The following XPO6 variants were observed in gnomAD, a reference collection of about 807,000 sequenced individuals.
The protein encoded by XPO6 is exportin-6.
A neutral mutation model predicts 130.0 loss-of-function variants in XPO6; 3 were observed. The observed-to-expected ratio is 0.02, with a 90% CI of 0.01 to 0.06. The LOEUF (loss-of-function observed/expected upper bound fraction) is 0.06. XPO6 is among the 10% of genes least tolerant of loss of function. The pLI, the probability that XPO6 is intolerant of heterozygous loss-of-function variation, is 1.00. For missense variants in XPO6, 970 were observed against 1,393.0 expected (o/e 0.70, Z 4.83); for synonymous variants, 524 against 548.9 (o/e 0.95, Z 0.63).
At chr16:28,146,666 G>T (rs184985168) in intron 8 of XPO6, among the ~76,000 whole-genome samples, 5 of 152,264 alleles carry the variant, frequency 3.3e-5, no homozygotes, top group African/African-American at 1.2e-4. Context: ...GGCTCCAAAG[G>T]TGACAGGTTC....
intron 23 of XPO6, among the ~76,000 whole-genome samples, chr16:28,100,497 G>A (rs2086633128): frequency 6.6e-6 from 1 of 152,214 alleles, no homozygotes; most frequent in South Asian, 2.1e-4. Flanking sequence ...ATGAGTCTAA[G>A]CAAAAGCTTC....
chr16:28,195,920 C>A (rs953390842), intron 1 of XPO6, among the ~76,000 whole-genome samples: 1 of 152,148 alleles, frequency 6.6e-6, no homozygotes, highest in Non-Finnish European at 1.5e-5. Context: ...ATTCTTTAGG[C>A]TGGTTATTTT....
intron 12 of XPO6, among the ~76,000 whole-genome samples, chr16:28,130,703 A>T (rs1000273128): frequency 6.6e-6 from 1 of 151,984 alleles, no homozygotes; most frequent in African/African-American, 2.4e-5. Context: ...TGAAATTGCC[A>T]GTAAACAGGC....
intron 12 of XPO6, among the ~76,000 whole-genome samples, chr16:28,129,919 C>T (rs1466637249): frequency 6.6e-6 from 1 of 152,188 alleles, no homozygotes; most frequent in Non-Finnish European, 1.5e-5. Context: ...TTTGGGGTCA[C>T]ATACGGATGT....
chr16:28,153,963 T>C, intron 7 of XPO6: 1 of 985,338 alleles, frequency 1.0e-6, no homozygotes, highest in Non-Finnish European at 1.2e-6. Flanking sequence ...GCCGAGCTTA[T>C]TTGCAGCTTT....
At position 28,156,460 on chromosome 16, in the gene XPO6, G is replaced by A. The variant is rs1224273274; in HGVS notation, c.711C>T (p.Ile237=). ...SAKLLNQPIP[I]LDVESEYICS... is the part of the protein sequence containing the mutation. ...AGATATACTCACTCTCCACATCAAG[G>A]ATGGGAATTGGCTGATTCAACAGTT... is the stretch of plus-strand genomic sequence containing the variant. The change falls in exon 7 of 24, where the codon ATC becomes ATT. Residue 237 remains isoleucine (I), a synonymous_variant. Coordinates refer to ENST00000304658, the MANE Select transcript of XPO6 (RefSeq NM_015171.4). 2 of 1,611,068 alleles carry A rather than the reference G, an allele frequency of 1.2e-6. No homozygotes were observed. The highest frequency in any genetic ancestry group is 2.2e-5 in the South Asian group (2 of 90,882).
chr16:28,134,267 C>T (rs1469042731), intron 10 of XPO6, among the ~76,000 whole-genome samples: 1 of 152,178 alleles, frequency 6.6e-6, no homozygotes, highest in Non-Finnish European at 1.5e-5. Context: ...TATCCCTATC[C>T]ACATAACTGA....
chr16:28,161,019 G>A (rs2043269932), intron 6 of XPO6, among the ~76,000 whole-genome samples: 1 of 152,128 alleles, frequency 6.6e-6, no homozygotes, highest in South Asian at 2.1e-4. Context: ...GCAATAGATT[G>A]TTTTCACTGA....
chr16:28,186,099 G>T (rs538941485), intron 1 of XPO6, among the ~76,000 whole-genome samples: 1 of 152,022 alleles, frequency 6.6e-6, no homozygotes, highest in Non-Finnish European at 1.5e-5. Context: ...AAACTTGGAA[G>T]AAGCAGAAGG....
At position 28,193,768 on chromosome 16, in the gene XPO6, G is replaced by A. The variant is rs78141288; in HGVS notation, c.4-12737C>T. ...GGTTTTCCATGAGCCTTCAATCCCC[G>A]CACAGCAAGCACGCATCACCCGTCC... On this transcript the variant is annotated intron_variant, in intron 1 of 23. Coordinates refer to ENST00000304658, the MANE Select transcript of XPO6 (RefSeq NM_015171.4). Among the ~76,000 whole-genome samples the A allele has an allele frequency of 8.4e-3, 1,281 of 152,148 alleles. 15 individuals are homozygous for A. The highest frequency in any genetic ancestry group is 0.029 in the African/African-American group (1,197 of 41,484).
In XPO6 at chr16:28,167,328, G is replaced by A. The variant is rs537553106; in HGVS notation, c.566-743C>T. 12 of 985,136 alleles carry A rather than the reference G, an allele frequency of 1.2e-5. No homozygotes were observed. In the East Asian group the frequency reaches 3.4e-4, roughly 28 times the overall value. The allele number at this position is 985,136 out of a possible 1,614,324, so 61.0% of individuals were successfully genotyped here. On this transcript the variant is annotated intron_variant, in intron 5 of 23. Coordinates refer to ENST00000304658, the MANE Select transcript of XPO6 (RefSeq NM_015171.4). ...ACAAACCTGCCACCAATCCTTTTTC[G>A]TTCCTCATGCAGGAAACAGGCTGGA...
intron 11 of XPO6, 35 bp downstream of exon 11, chr16:28,133,806 C>A: frequency 6.2e-7 from 1 of 1,605,482 alleles, no homozygotes; most frequent in Non-Finnish European, 8.5e-7. Context: ...ACAGAGAAAT[C>A]GCTACACTCT....
At position 28,211,480 on chromosome 16, in the gene XPO6, C is replaced by A. The variant is rs1053688004; in HGVS notation, c.-112G>T. Reference sequence around the variant, plus strand: ...AGACTCGGGAAGTCCCCCACCCATGCAAAGACAACCCCTTCCCCACCGGGC... The same window carrying A: ...AGACTCGGGAAGTCCCCCACCCATGAAAAGACAACCCCTTCCCCACCGGGC... On this transcript the variant is annotated 5_prime_UTR_variant, in exon 1 of 24. Transcript: ENST00000304658. The A allele has an allele frequency of 8.3e-6, 10 of 1,211,072 alleles. No individual in the cohort carries two copies. The highest frequency in any genetic ancestry group is 1.1e-5 in the Non-Finnish European group (10 of 943,956). The allele number at this position is 1,211,072 out of a possible 1,614,324, so 75.0% of individuals were successfully genotyped here.
At chr16:28,111,115 A>T (rs2086909684) in intron 17 of XPO6, 2 of 152,374 alleles carry the variant, frequency 1.3e-5, no homozygotes, top group African/African-American at 4.8e-5. Context: ...TAGTTATAAA[A>T]GTAGTGTTTT....
chr16:28,188,393 G>C (rs1285067405), intron 1 of XPO6, among the ~76,000 whole-genome samples: 2 of 152,082 alleles, frequency 1.3e-5, no homozygotes, highest in African/African-American at 4.8e-5. Flanking sequence ...ACAAAATGAG[G>C]ACTAGTATCC....
Position 28,211,426 on chromosome 16 carries a change from G to T in XPO6, c.-58C>A, listed in dbSNP as rs2044130540. On this transcript the variant is annotated 5_prime_UTR_variant, in exon 1 of 24. Transcript: ENST00000304658. ...GGTTCTTGGGCTTCGGACACGTCCC[G>T]CTCGCACAGTTCAGGTCATGGTCCC... The T allele has an allele frequency of 1.5e-6, 2 of 1,309,654 alleles. No individual in the cohort carries two copies. Among genetic ancestry groups the T allele is most frequent in the South Asian group, 3.2e-5 (1 of 31,036 alleles). The allele number at this position is 1,309,654 out of a possible 1,614,324, so 81.1% of individuals were successfully genotyped here.
chr16:28,139,224 C>G (rs1420630658), intron 9 of XPO6, among the ~76,000 whole-genome samples: 4 of 152,192 alleles, frequency 2.6e-5, no homozygotes, highest in African/African-American at 9.6e-5. Flanking sequence ...CCCTCCCTTT[C>G]CTCACATGCA....
chr16:28,136,688 T>C (rs920375680), intron 9 of XPO6, among the ~76,000 whole-genome samples: 1 of 152,216 alleles, frequency 6.6e-6, no homozygotes, highest in African/African-American at 2.4e-5. Flanking sequence ...ATTTCCCACA[T>C]GTAATAAGAA....
intron 14 of XPO6, among the ~76,000 whole-genome samples, chr16:28,119,901 A>C (rs970894073): frequency 3.3e-5 from 5 of 152,166 alleles, no homozygotes; most frequent in Non-Finnish European, 7.4e-5. Context: ...TCTGTCACCC[A>C]GGCTGGAGAG....
Sources: gnomAD v4.1 joint callset for allele counts (sites outside exome capture counted in the v4.1 genomes callset) on GRCh38, gnomAD v4.1.1 for gene constraint, MANE v1.5 for transcripts, NCBI Gene and HGNC (gene_info 2026-07-23, HGNC 2026-07-21) for gene names.